The following E2F2 variants were observed in gnomAD, a reference collection of about 807,000 sequenced individuals.
E2F2 encodes the protein E2F transcription factor 2, also known as transcription factor E2F2.
Under a neutral mutation model 42.2 loss-of-function variants are expected in E2F2, and 22 were observed. The ratio of observed to expected loss-of-function variants is 0.52; its 90% CI spans 0.37 to 0.74. The LOEUF is 0.74. Ranked by LOEUF, E2F2 falls within the 30% of genes least tolerant of loss-of-function variation. The probability of loss-of-function intolerance (pLI) is 0.00; values close to 1 mark genes in which losing one functional copy is unlikely to be tolerated. For synonymous variants in E2F2, 248 were observed against 251.6 expected, an observed-to-expected ratio of 0.99 and a Z score of 0.13; for missense variants, 481 against 557.8, an observed-to-expected ratio of 0.86 and a Z score of 1.39.
Position 23,530,715 on chromosome 1 carries a change from G to A in E2F2, c.79C>T (p.Leu27=), listed in dbSNP as rs1166178776. The A allele has an allele frequency of 1.2e-6, 2 of 1,605,668 alleles. No individual in the cohort carries two copies. Among genetic ancestry groups the A allele is most frequent in the East Asian group, 2.2e-5 (1 of 44,526 alleles). ...GGGCTGCTGAGGCCGGATGGCCACA[G>A]CTCTGTGGGGCTCATCGCGGGCACC... ...KVVPAMSPTE[L]WPSGLSSPQL... The change falls in exon 1 of 7, where the codon CTG becomes TTG. Residue 27 remains leucine, a synonymous_variant. Coordinates refer to ENST00000361729, the MANE Select transcript of E2F2 (RefSeq NM_004091.4). This position sits in a 1 kb window ranked among gnomAD's most constrained non-coding sequence, Gnocchi z 4.4.
chr1:23,518,694 G>A (rs1015139646), intron 5 of E2F2, among the ~76,000 whole-genome samples: 7 of 152,110 alleles, frequency 4.6e-5, no homozygotes, highest in African/African-American at 1.7e-4. Context: ...GGAAAGCACG[G>A]TCAGCATGAA....
chr1:23,512,905 C>T (rs1168209579), intron 6 of E2F2, among the ~76,000 whole-genome samples: 1 of 151,812 alleles, frequency 6.6e-6, no homozygotes, highest in Non-Finnish European at 1.5e-5. Flanking sequence ...GTCTGCTTTC[C>T]TGGTTCAAGT....
At chr1:23,520,828 G>GT in intron 4 of E2F2, 85 bp downstream of exon 4, 1 of 1,343,358 alleles carries the variant, frequency 7.4e-7, no homozygotes. Context: ...GACCCTTAGG[G>GT]TAAGTTACTG....
intron 3 of E2F2, 41 bp from the exon 4 acceptor site, chr1:23,521,112 A>T (rs1285223078): frequency 1.3e-6 from 2 of 1,564,210 alleles, no homozygotes; most frequent in African/African-American, 1.4e-5. Context: ...CTGTGGGTGA[A>T]ACTCCAGAAC....
In E2F2 at chr1:23,519,148, AGAAAAGT is replaced by A. The variant is rs1479057083; in HGVS notation, c.738-25_738-19del. 1 of 1,600,188 alleles carries A rather than the reference AGAAAAGT, an allele frequency of 6.2e-7. No individual in the cohort carries two copies. The highest frequency in any genetic ancestry group is 2.2e-5 in the East Asian group (1 of 44,650). On this transcript the variant is annotated intron_variant, in intron 4 of 6. Coordinates refer to ENST00000361729, the MANE Select transcript of E2F2 (RefSeq NM_004091.4). ...AGGCCAGCGTAGGGCAGGAGAGTCA[AGAAAAGT>A]GACTGTCTGGTCAAAATTCAAACCC... is the stretch of plus-strand genomic sequence containing the variant.
chr1:23,526,761 G>A (rs1340918855), intron 1 of E2F2, among the ~76,000 whole-genome samples: 1 of 152,146 alleles, frequency 6.6e-6, no homozygotes, highest in Non-Finnish European at 1.5e-5. Flanking sequence ...GGCTGCCTCA[G>A]CTGCATCCCA....
intron 1 of E2F2, among the ~76,000 whole-genome samples, chr1:23,526,118 C>T (rs1238232654): frequency 6.6e-6 from 1 of 152,140 alleles, no homozygotes; most frequent in Non-Finnish European, 1.5e-5. Flanking sequence ...CTACCGAGAC[C>T]TGGAAACCAT....
chr1:23,521,718 C>T (rs1047310074), intron 3 of E2F2, 119 bp downstream of exon 3: 5 of 1,502,040 alleles, frequency 3.3e-6, no homozygotes, highest in Middle Eastern at 2.4e-4. Context: ...AGCCCTTGTG[C>T]CCATTGGATG....
chr1:23,525,120 A>C (rs1025163768), intron 1 of E2F2, among the ~76,000 whole-genome samples: 1 of 152,126 alleles, frequency 6.6e-6, no homozygotes, highest in African/African-American at 2.4e-5. Context: ...TGCATTTGCC[A>C]TTCTTTCTTT....
rs1643321519 is a variant in E2F2 at position 23,530,555 on chromosome 1, G to A, written c.239C>T (p.Ala80Val). 1.2e-6 allele frequency: 2 copies of A among 1,610,674 alleles called. No individual in the cohort carries two copies. Among genetic ancestry groups the A allele is most frequent in the South Asian group, 1.1e-5 (1 of 90,974 alleles). The change falls in exon 1 of 7, where the codon GCA becomes GTA. Residue 80 changes from alanine to valine, a missense_variant. Ala to Val is a moderately conservative substitution (Grantham distance 64). Coordinates refer to ENST00000361729, the MANE Select transcript of E2F2 (RefSeq NM_004091.4). The surrounding 1 kb of genome is among the most constrained non-coding windows in gnomAD (Gnocchi z 4.4). ...PEGQVVRCLP[A>V]GRLPAKRKLD... ...CCCCAGCATTACCGGCAGCCGGCCTGCCGGCAGGCATCGCACAACTTGGCC... is the reference window on the plus strand; with the variant it reads ...CCCCAGCATTACCGGCAGCCGGCCTACCGGCAGGCATCGCACAACTTGGCC...
intron 6 of E2F2, among the ~76,000 whole-genome samples, chr1:23,515,882 T>A (rs1329800347): frequency 6.6e-6 from 1 of 151,828 alleles, no homozygotes; most frequent in Non-Finnish European, 1.5e-5. Flanking sequence ...TAAATTTTTT[T>A]ATAGAGACAG....
chr1:23,514,184 A>T (rs2148692204), intron 6 of E2F2, among the ~76,000 whole-genome samples: 1 of 152,066 alleles, frequency 6.6e-6, no homozygotes, highest in East Asian at 1.9e-4. Context: ...CCTCCACCCA[A>T]GGTCTCAGAG....
At chr1:23,527,006 A>G (rs1272802249) in intron 1 of E2F2, among the ~76,000 whole-genome samples, 1 of 152,206 alleles carries the variant, frequency 6.6e-6, no homozygotes, top group Non-Finnish European at 1.5e-5. Flanking sequence ...AAGTCAGCCT[A>G]TGGCTTGGGC....
intron 4 of E2F2, 131 bp downstream of exon 4, chr1:23,520,782 A>G: frequency 1.1e-6 from 1 of 951,666 alleles, no homozygotes; most frequent in Non-Finnish European, 1.4e-6. Flanking sequence ...TAGACTTGAG[A>G]AGAAAAGCCA....
intron 1 of E2F2, among the ~76,000 whole-genome samples, chr1:23,526,108 C>T (rs1261389657): frequency 1.3e-5 from 2 of 152,140 alleles, no homozygotes; most frequent in Non-Finnish European, 2.9e-5. Flanking sequence ...CTTTCCACCA[C>T]TACCGAGACC....
At chr1:23,520,533 CAA>C (rs1346349615) in intron 4 of E2F2, among the ~76,000 whole-genome samples, 2 of 151,902 alleles carry the variant, frequency 1.3e-5, no homozygotes, top group African/African-American at 2.4e-5. Context: ...CGACTGAAGC[CAA>C]GAGTTAGAGA....
At chr1:23,513,819 A>G (rs1642962144) in intron 6 of E2F2, among the ~76,000 whole-genome samples, 1 of 150,558 alleles carries the variant, frequency 6.6e-6, no homozygotes, top group Non-Finnish European at 1.5e-5. Context: ...GATTTGTAAA[A>G]CTCAGGTAAA....
chr1:23,505,524 T>C (rs1316107097), downstream of E2F2, among the ~76,000 whole-genome samples: 1 of 152,154 alleles, frequency 6.6e-6, no homozygotes, highest in Non-Finnish European at 1.5e-5. Flanking sequence ...GGTCTCTTTT[T>C]TTTTTTGAGA....
intron 3 of E2F2, among the ~76,000 whole-genome samples, 187 bp from the exon 4 acceptor site, chr1:23,521,258 A>T (rs1643139977): frequency 6.6e-6 from 1 of 152,168 alleles, no homozygotes; most frequent in South Asian, 2.1e-4. Flanking sequence ...AAACAAGTCA[A>T]GACCTGAACC....
Sources: gnomAD v4.1 joint callset for allele counts (sites outside exome capture counted in the v4.1 genomes callset) on GRCh38, gnomAD v4.1.1 for gene constraint, Gnocchi (gnomAD v3.1) non-coding constraint, MANE v1.5 for transcripts, NCBI Gene and HGNC (gene_info 2026-07-23, HGNC 2026-07-21) for gene names.